SYT9: variants seen among roughly 807,000 people sequenced by gnomAD.
SYT9 encodes synaptotagmin 9.
A neutral mutation model predicts 48.4 loss-of-function variants in SYT9; 22 were observed. The ratio of observed to expected loss-of-function variants is 0.45; its 90% CI spans 0.32 to 0.65. SYT9 has a LOEUF of 0.65. Among genes scored for constraint, SYT9 ranks in the 30% least tolerant of loss-of-function variants. The probability of loss-of-function intolerance (pLI) is 0.03; values close to 1 mark genes in which losing one functional copy is unlikely to be tolerated. For synonymous variants in SYT9, 265 were observed against 245.0 expected (o/e 1.08, Z -0.76); for missense variants, 577 against 622.0 (o/e 0.93, Z 0.77).
At chr11:7,259,850 A>G (rs1055548001) in intron 1 of SYT9, among the ~76,000 whole-genome samples, 1 of 152,106 alleles carries the variant, frequency 6.6e-6, no homozygotes, top group Admixed American at 6.6e-5. Context: ...ACTATAATCA[A>G]CCCATTATAT....
intron 6 of SYT9, among the ~76,000 whole-genome samples, chr11:7,449,304 C>T (rs539399526): frequency 1.2e-3 from 132 of 111,242 alleles, no homozygotes; most frequent in African/African-American, 4.2e-3. Flanking sequence ...GCCTGGGCAA[C>T]AGAGTGAGAC....
In SYT9 at chr11:7,266,551, C is replaced by T. The variant is rs145574681; in HGVS notation, c.145+14220C>T. Among the ~76,000 whole-genome samples the T allele has an allele frequency of 9.8e-3, 1,492 of 152,188 alleles. 20 individuals carry two copies. Among genetic ancestry groups the T allele is most frequent in the African/African-American group, 0.033 (1,373 of 41,526 alleles). On this transcript the variant is annotated intron_variant, in intron 1 of 6. Transcript: ENST00000318881. ...TCAGTTAGAGAGGATCCACTCTGCA[C>T]GCTGATAAAGATTAAAACTGCAGCT...
At chr11:7,380,347 A>C (rs536677203) in intron 3 of SYT9, among the ~76,000 whole-genome samples, 1 of 152,102 alleles carries the variant, frequency 6.6e-6, no homozygotes, top group Non-Finnish European at 1.5e-5. Context: ...AATTAGAATG[A>C]ATAAGACCTA....
intron 1 of SYT9, among the ~76,000 whole-genome samples, chr11:7,283,841 C>T (rs1848549597): frequency 6.6e-6 from 1 of 152,068 alleles, no homozygotes. Flanking sequence ...GAATGTGGAG[C>T]TATTGTTATT....
chr11:7,286,876 G>A (rs1194944718), intron 1 of SYT9, among the ~76,000 whole-genome samples: 1 of 152,094 alleles, frequency 6.6e-6, no homozygotes, highest in East Asian at 1.9e-4. Flanking sequence ...CAGCATTTTG[G>A]TCAAAACCAT....
At chr11:7,352,845 A>G (rs986581496) in intron 3 of SYT9, among the ~76,000 whole-genome samples, 5 of 152,204 alleles carry the variant, frequency 3.3e-5, no homozygotes, top group Non-Finnish European at 7.3e-5. Flanking sequence ...GAAGGTCTTG[A>G]CTGCGTGCAG....
intron 3 of SYT9, among the ~76,000 whole-genome samples, chr11:7,370,865 AAT>A (rs1399902152): frequency 3.3e-5 from 5 of 152,208 alleles, no homozygotes; most frequent in Non-Finnish European, 7.4e-5. Flanking sequence ...ATTGTTAAAA[AAT>A]ATGTTACTAA....
chr11:7,347,741 A>C (rs1429215133), intron 3 of SYT9, among the ~76,000 whole-genome samples: 1 of 152,188 alleles, frequency 6.6e-6, no homozygotes, highest in African/African-American at 2.4e-5. Context: ...AAGCAGGACA[A>C]GGAATTTTGG....
At chr11:7,385,550 T>C (rs1400335947) in intron 3 of SYT9, among the ~76,000 whole-genome samples, 1 of 152,120 alleles carries the variant, frequency 6.6e-6, no homozygotes, top group East Asian at 1.9e-4. Context: ...TGCTGGGTAC[T>C]ATGCCTATTA....
At chr11:7,344,929 T>TACAC (rs60652691) in intron 3 of SYT9, among the ~76,000 whole-genome samples, 4,940 of 148,958 alleles carry the variant, frequency 0.033, 111 homozygotes, top group Middle Eastern at 0.048. Flanking sequence ...CTCATTATTT[T>TACAC]ACACACACAC....
chr11:7,271,294 C>T (rs1848292019), intron 1 of SYT9, among the ~76,000 whole-genome samples: 1 of 152,032 alleles, frequency 6.6e-6, no homozygotes, highest in African/African-American at 2.4e-5. Flanking sequence ...CTCTGCACTC[C>T]CAGAAGTTAA....
intron 2 of SYT9, among the ~76,000 whole-genome samples, chr11:7,312,446 C>T (rs1028522593): frequency 2.0e-5 from 3 of 152,112 alleles, no homozygotes; most frequent in African/African-American, 4.8e-5. Flanking sequence ...TATAATGACT[C>T]TAAACTCTGA....
chr11:7,395,442 T>C (rs1376313867), intron 3 of SYT9, among the ~76,000 whole-genome samples: 1 of 152,136 alleles, frequency 6.6e-6, no homozygotes, highest in African/African-American at 2.4e-5. Flanking sequence ...TGCTTCTTGG[T>C]GGGATGTTGA....
intron 1 of SYT9, among the ~76,000 whole-genome samples, chr11:7,246,496 A>G (rs777789455): frequency 1.6e-4 from 25 of 152,166 alleles, no homozygotes; most frequent in Non-Finnish European, 3.5e-4. Flanking sequence ...AGCTAACTCT[A>G]CTTCTTCAAT....
At chr11:7,457,783 A>T (rs905073202) in intron 6 of SYT9, 1 of 152,222 alleles carries the variant, frequency 6.6e-6, no homozygotes, top group Non-Finnish European at 1.5e-5. Context: ...AAAGGTCTTT[A>T]TAAGAGACTT....
intron 6 of SYT9, chr11:7,457,374 T>C (rs1187135452): frequency 2.6e-5 from 4 of 152,276 alleles, no homozygotes; most frequent in African/African-American, 9.7e-5. Context: ...CCACTTGATA[T>C]TATCTGTGTG....
Position 7,252,725 on chromosome 11 carries a change from ACT to A in SYT9, c.145+397_145+398del, listed in dbSNP as rs1004528397. ...GGGAAGGGGGACGAGGCCGAAGGAAACTCTGGGAAGTTGGGAGTTGGGGACGG... is the reference window on the plus strand; with the variant it reads ...GGGAAGGGGGACGAGGCCGAAGGAAACTGGGAAGTTGGGAGTTGGGGACGG... On this transcript the variant is annotated intron_variant, in intron 1 of 6. Transcript: ENST00000318881. The surrounding 1 kb of genome is among the most constrained non-coding windows in gnomAD (Gnocchi z 6.3). 6.6e-5 allele frequency among the ~76,000 whole-genome samples: 10 copies of A among 152,176 alleles called. No individual in the cohort carries two copies. The highest frequency in any genetic ancestry group is 5.2e-4 in the Admixed American group (8 of 15,284).
At chr11:7,268,936 G>C (rs987544511) in intron 1 of SYT9, among the ~76,000 whole-genome samples, 23 of 151,960 alleles carry the variant, frequency 1.5e-4, no homozygotes, top group African/African-American at 5.1e-4. Flanking sequence ...CTCTATTAAT[G>C]TGTCTGTTCT....
chr11:7,331,181 TAA>T (rs1184113901), intron 3 of SYT9, among the ~76,000 whole-genome samples: 1 of 99,762 alleles, frequency 1.0e-5, no homozygotes, highest in Non-Finnish European at 2.1e-5. Flanking sequence ...TGGAGAAGTG[TAA>T]AGATAAAACA....
Sources: allele counts gnomAD v4.1 joint callset (sites outside exome capture counted in the v4.1 genomes callset), GRCh38; gene constraint gnomAD v4.1.1; non-coding constraint Gnocchi (gnomAD v3.1); transcripts MANE v1.5; gene names NCBI Gene and HGNC (gene_info 2026-07-23, HGNC 2026-07-21).